RASSF3: variants seen among roughly 807,000 people sequenced by gnomAD.
RASSF3 encodes Ras association domain family member 3.
In RASSF3, 19 loss-of-function variants were observed where a neutral mutation model predicts 19.9. The observed-to-expected ratio is 0.96, with a 90% CI of 0.67 to 1.40. RASSF3 has a LOEUF of 1.40. Ranked by LOEUF, RASSF3 falls within the 40% of genes most tolerant of loss-of-function variation. The pLI is 0.00. For missense variants in RASSF3, 306 were observed against 289.8 expected, an observed-to-expected ratio of 1.06 and a Z score of -0.41; for synonymous variants, 110 against 104.2, an observed-to-expected ratio of 1.06 and a Z score of -0.34.
At chr12:64,660,022 G>A (rs1410690203) in intron 1 of RASSF3, among the ~76,000 whole-genome samples, 1 of 145,424 alleles carries the variant, frequency 6.9e-6, no homozygotes, top group Admixed American at 7.0e-5. Context: ...ATATGTGTGT[G>A]TGTGTATGTG....
At chr12:64,532,924 A>G (rs1868744407), upstream of RASSF3, among the ~76,000 whole-genome samples, 1 of 152,200 alleles carries the variant, frequency 6.6e-6, no homozygotes, top group African/African-American at 2.4e-5. Flanking sequence ...GGTTAAATAC[A>G]TTGCCAAAGG....
chr12:64,684,435 G>GTTTTT (rs56163162), intron 1 of RASSF3, among the ~76,000 whole-genome samples: 4 of 131,196 alleles, frequency 3.0e-5, no homozygotes, highest in South Asian at 2.4e-4. Flanking sequence ...TTGTTTGTTT[G>GTTTTT]TTTTTTTTTT....
intron 1 of RASSF3, among the ~76,000 whole-genome samples, chr12:64,631,993 C>T (rs1032656073): frequency 3.9e-5 from 6 of 152,144 alleles, no homozygotes; most frequent in Non-Finnish European, 2.9e-5. Context: ...TATTTGGATT[C>T]TAAGTAGAAG....
upstream of RASSF3, among the ~76,000 whole-genome samples, chr12:64,533,072 C>T (rs755242924): frequency 5.9e-5 from 9 of 152,158 alleles, no homozygotes; most frequent in African/African-American, 1.9e-4. Context: ...GAACACTTGA[C>T]GGTCCCTGTG....
chr12:64,581,124 A>G (rs923764387), intron 2 of RASSF3, among the ~76,000 whole-genome samples: 1 of 146,968 alleles, frequency 6.8e-6, no homozygotes, highest in Non-Finnish European at 1.5e-5. Flanking sequence ...AAAAAAAAAG[A>G]GAGAGAGAGA....
At chr12:64,576,147 T>C (rs1198229525) in intron 2 of RASSF3, among the ~76,000 whole-genome samples, 2 of 152,156 alleles carry the variant, frequency 1.3e-5, no homozygotes, top group African/African-American at 2.4e-5. Context: ...GAGGATTTTT[T>C]TCACAGAAAA....
intron 1 of RASSF3, among the ~76,000 whole-genome samples, chr12:64,612,065 A>T (rs1033948628): frequency 6.6e-6 from 1 of 152,148 alleles, no homozygotes. Flanking sequence ...GGGATCTCTT[A>T]CTTTCAGCAG....
chr12:64,669,148 C>G (rs976142972), intron 1 of RASSF3, among the ~76,000 whole-genome samples: 6 of 152,176 alleles, frequency 3.9e-5, no homozygotes, highest in Non-Finnish European at 7.3e-5. Flanking sequence ...GCTTTCCATT[C>G]TAAACATTCT....
chr12:64,619,552 T>C (rs1291456741), intron 1 of RASSF3, among the ~76,000 whole-genome samples: 10 of 152,202 alleles, frequency 6.6e-5, no homozygotes, highest in African/African-American at 2.4e-4. Context: ...CTTGGTTCTT[T>C]TTCCAGATGC....
chr12:64,638,273 T>C (rs1372034032), intron 1 of RASSF3, among the ~76,000 whole-genome samples: 1 of 152,204 alleles, frequency 6.6e-6, no homozygotes, highest in Non-Finnish European at 1.5e-5. Flanking sequence ...AATTCAGGCA[T>C]ACGGTAATTC....
rs1041937128 is a variant in RASSF3, at chr12:64,612,483, T to C, written c.111+1740T>C. ...GTTTATATGCATTTAGCGTTTCTTT[T>C]TTTTTTTTTTTTTTTGAGATGGAGT... On this transcript the variant is annotated intron_variant, in intron 1 of 4. Coordinates refer to ENST00000542104, the MANE Select transcript of RASSF3 (RefSeq NM_178169.4). Among the ~76,000 whole-genome samples the C allele has an allele frequency of 2.3e-4, 34 of 148,732 alleles. No individual in the cohort carries two copies. In the Middle Eastern group the frequency reaches 0.01, roughly 45 times the overall value.
At chr12:64,580,593 C>CAT (rs1447117391) in intron 2 of RASSF3, among the ~76,000 whole-genome samples, 2 of 151,534 alleles carry the variant, frequency 1.3e-5, no homozygotes, top group African/African-American at 4.9e-5. Context: ...CACACACACA[C>CAT]ACACACACAC....
rs1247887396 is a variant in RASSF3, at chr12:64,688,458, G to A, written c.457+5G>A. On this transcript the variant is annotated splice_donor_5th_base_variant and intron_variant, in intron 3 of 4. Coordinates refer to ENST00000542104, the MANE Select transcript of RASSF3 (RefSeq NM_178169.4). ...GTTGTCACAGGGAAGACCAAGGTACGCTGCCAGCTTAAAAGGAAAATGGTC... is the reference window on the plus strand; with the variant it reads ...GTTGTCACAGGGAAGACCAAGGTACACTGCCAGCTTAAAAGGAAAATGGTC... 15 of 1,596,498 alleles carry A rather than the reference G, an allele frequency of 9.4e-6. No homozygotes were observed. The highest frequency in any genetic ancestry group is 2.7e-5 in the African/African-American group (2 of 74,688).
At chr12:64,657,490 T>G (rs1023160629) in intron 1 of RASSF3, among the ~76,000 whole-genome samples, 1 of 152,190 alleles carries the variant, frequency 6.6e-6, no homozygotes, top group Non-Finnish European at 1.5e-5. Context: ...GTAAAATCAC[T>G]TTGATGAAAA....
chr12:64,646,354 C>T (rs995760872), intron 1 of RASSF3, among the ~76,000 whole-genome samples: 1 of 152,166 alleles, frequency 6.6e-6, no homozygotes, highest in African/African-American at 2.4e-5. Context: ...CTGTTTTCTC[C>T]ACATCCTTGC....
At position 64,641,835 on chromosome 12, in the gene RASSF3, C is replaced by T. The variant is rs183467368; in HGVS notation, c.111+31092C>T. 6.1e-4 allele frequency among the ~76,000 whole-genome samples: 91 copies of T among 149,886 alleles called. 2 individuals carry two copies. In the East Asian group the frequency reaches 0.013, roughly 22 times the overall value. On this transcript the variant is annotated intron_variant, in intron 1 of 4. Coordinates refer to ENST00000542104, the MANE Select transcript of RASSF3 (RefSeq NM_178169.4). ...TCGGCTCACTGCAACCTCTGCCTCC[C>T]GGGTTCAAGCGATTCTTCTGCCTCA...
At chr12:64,694,336 A>G (rs1444363207) in intron 4 of RASSF3, among the ~76,000 whole-genome samples, 2 of 152,208 alleles carry the variant, frequency 1.3e-5, no homozygotes, top group African/African-American at 4.8e-5. Flanking sequence ...CCGAGGGAGA[A>G]AAGGCTGAAT....
chr12:64,688,712 G>C (rs564750095), intron 3 of RASSF3, among the ~76,000 whole-genome samples: 58 of 152,252 alleles, frequency 3.8e-4, no homozygotes, highest in South Asian at 2.3e-3. Flanking sequence ...TGGTGTTGGT[G>C]GGGGGATGGG....
chr12:64,633,577 A>G lies in RASSF3; in HGVS notation c.111+22834A>G, dbSNP rs560207790. Among the ~76,000 whole-genome samples the G allele has an allele frequency of 2.0e-4, 30 of 152,292 alleles. 1 individual carries two copies. The highest frequency in any genetic ancestry group is 7.2e-4 in the African/African-American group (30 of 41,552). The stretch of plus-strand genomic sequence containing the variant: ...TGGTGCCATGTTTCCTGTGCAGCCA[A>G]CAGAACTGTGAGCCAAAATAAACCT... On this transcript the variant is annotated intron_variant, in intron 1 of 4. Coordinates refer to ENST00000542104, the MANE Select transcript of RASSF3 (RefSeq NM_178169.4).
Sources: gnomAD v4.1 joint callset for allele counts (sites outside exome capture counted in the v4.1 genomes callset) on GRCh38, gnomAD v4.1.1 for gene constraint, MANE v1.5 for transcripts, NCBI Gene and HGNC (gene_info 2026-07-23, HGNC 2026-07-21) for gene names.